KYNU: variants seen among roughly 807,000 people sequenced by gnomAD.
KYNU encodes kynureninase.
In KYNU, 54 loss-of-function variants were observed where a neutral mutation model predicts 59.2. The ratio of observed to expected loss-of-function variants is 0.91; its 90% confidence interval spans 0.73 to 1.14. KYNU has a LOEUF of 1.14. Among genes scored for constraint, KYNU ranks in the 50% most tolerant of loss-of-function variants. KYNU has a pLI of 0.00. For missense variants in KYNU, 567 were observed against 554.4 expected (o/e 1.02, Z -0.23); for synonymous variants, 177 against 192.0 (o/e 0.92, Z 0.65).
At chr2:142,956,741 A>G (rs1324660192) in intron 6 of KYNU, among the ~76,000 whole-genome samples, 1 of 152,162 alleles carries the variant, frequency 6.6e-6, no homozygotes, top group Non-Finnish European at 1.5e-5. Flanking sequence ...GAGATTAAAA[A>G]TATTTCTTGT....
chr2:142,980,314 G>C (rs1242523927), intron 8 of KYNU, among the ~76,000 whole-genome samples: 2 of 127,864 alleles, frequency 1.6e-5, no homozygotes, highest in Non-Finnish European at 3.3e-5. Context: ...TCTTGGTTTT[G>C]GTGGGATTTG....
At chr2:143,028,818 A>ATTGTT (rs1686654558) in intron 10 of KYNU, among the ~76,000 whole-genome samples, 1 of 151,742 alleles carries the variant, frequency 6.6e-6, no homozygotes, top group Non-Finnish European at 1.5e-5. Context: ...ATTGCACTCC[A>ATTGTT]GCCTGGGCAA....
intron 10 of KYNU, among the ~76,000 whole-genome samples, chr2:143,015,325 GA>G (rs1288861227): frequency 6.6e-6 from 1 of 152,106 alleles, no homozygotes; most frequent in African/African-American, 2.4e-5. Context: ...AATTTGAATG[GA>G]AAAAGAGGGT....
At chr2:143,003,200 A>G (rs767742333) in intron 10 of KYNU, among the ~76,000 whole-genome samples, 3 of 152,318 alleles carry the variant, frequency 2.0e-5, no homozygotes, top group Non-Finnish European at 4.4e-5. Flanking sequence ...ACTCATTAAT[A>G]TAGCTCAGTT....
intron 10 of KYNU, among the ~76,000 whole-genome samples, chr2:143,011,873 T>A (rs1380090331): frequency 8.3e-6 from 1 of 120,832 alleles, no homozygotes; most frequent in African/African-American, 3.3e-5. Flanking sequence ...TGAGATCACA[T>A]GGACACAGGA....
chr2:142,961,013 C>T lies in KYNU; in HGVS notation c.729+243C>T, dbSNP rs189505. On this transcript the variant is annotated intron_variant, in intron 8 of 13. Transcript: ENST00000264170. ...TTTGAGACCAGCCTGACAAAAATGG[C>T]GAAACCCCATCTCTACTGAAAATAC... 0.18 allele frequency among the ~76,000 whole-genome samples: 26,745 copies of T among 151,552 alleles called. 5,964 individuals are homozygous for T. The highest frequency in any genetic ancestry group is 0.52 in the African/African-American group (21,421 of 41,318).
intron 8 of KYNU, among the ~76,000 whole-genome samples, chr2:142,965,492 G>A (rs374412168): frequency 3.3e-5 from 5 of 152,112 alleles, no homozygotes; most frequent in Non-Finnish European, 5.9e-5. Context: ...ATGTCTGAGT[G>A]CCATCTCCCA....
At chr2:143,006,072 A>G (rs1685874596) in intron 10 of KYNU, among the ~76,000 whole-genome samples, 1 of 152,162 alleles carries the variant, frequency 6.6e-6, no homozygotes, top group African/African-American at 2.4e-5. Flanking sequence ...CCGAATAGGA[A>G]CAGCTCCGGT....
chr2:142,988,063 T>G (rs1404192015), intron 10 of KYNU, among the ~76,000 whole-genome samples: 1 of 151,814 alleles, frequency 6.6e-6, no homozygotes, highest in Non-Finnish European at 1.5e-5. Context: ...TCTTTATAAA[T>G]TACCCAGTCT....
intron 2 of KYNU, among the ~76,000 whole-genome samples, chr2:142,907,340 G>A (rs543591122): frequency 6.6e-6 from 1 of 152,338 alleles, no homozygotes; most frequent in South Asian, 2.1e-4. Context: ...GGAAACCACT[G>A]ACTAGTGTTC....
chr2:142,973,573 T>G (rs1007527831), intron 8 of KYNU, among the ~76,000 whole-genome samples: 1 of 152,162 alleles, frequency 6.6e-6, no homozygotes, highest in Non-Finnish European at 1.5e-5. Context: ...TTGGGGTGTT[T>G]GCAGCAGCTT....
chr2:142,938,858 C>T (rs898097538), intron 4 of KYNU, among the ~76,000 whole-genome samples: 5 of 151,904 alleles, frequency 3.3e-5, no homozygotes, highest in African/African-American at 1.2e-4. Flanking sequence ...CATAGTGGCT[C>T]ACACCTGTAG....
Position 143,048,087 on chromosome 2 carries a change from C to T in KYNU, c.*5915C>T, listed in dbSNP as rs988701262. 6 of 152,064 alleles carry T rather than the reference C, an allele frequency of 3.9e-5. No homozygotes were observed. Among genetic ancestry groups the T allele is most frequent in the East Asian group, 1.9e-4 (1 of 5,194 alleles). 9.4% of individuals were successfully genotyped at this position (152,064 alleles called of 1,614,324 possible). On this transcript the variant is annotated 3_prime_UTR_variant, in exon 14 of 14. Coordinates refer to ENST00000264170, the MANE Select transcript of KYNU (RefSeq NM_003937.3). ...ATCAAACTCCTGACTTCAGGTGATCCGCCCACTTTGACCTTCCAAAATGCT... is the reference window on the plus strand; with the variant it reads ...ATCAAACTCCTGACTTCAGGTGATCTGCCCACTTTGACCTTCCAAAATGCT...
intron 2 of KYNU, among the ~76,000 whole-genome samples, chr2:142,888,652 G>A (rs1388008915): frequency 1.3e-5 from 2 of 151,894 alleles, no homozygotes; most frequent in Non-Finnish European, 2.9e-5. Context: ...GTGAGGCCCA[G>A]CCTTCTATTC....
In KYNU at chr2:142,956,273, A is replaced by C; in HGVS notation, c.506A>C (p.His169Pro). Residue 169 changes from histidine to proline, a missense_variant and splice_region_variant, in exon 6 of 14, where the codon CAT (histidine) becomes CCT (proline). By Grantham distance (77) the His-to-Pro change is moderately conservative. Transcript: ENST00000264170. Reference protein sequence around the residue: ...LLEAKAFPSDHYAIESQLQLH... With the variant: ...LLEAKAFPSDPYAIESQLQLH... ...GAAGCCAAAGCCTTCCCTTCTGATC[A>C]TGTAAGGACTTCTTCAAATTGTATT... 1 of 1,578,536 alleles carries C rather than the reference A, an allele frequency of 6.3e-7. No individual in the cohort carries two copies.
chr2:142,892,539 G>C (rs1462634653), intron 2 of KYNU, among the ~76,000 whole-genome samples: 3 of 152,194 alleles, frequency 2.0e-5, no homozygotes, highest in Non-Finnish European at 2.9e-5. Flanking sequence ...TAGGGTACTA[G>C]GATGATTGGT....
At chr2:143,015,722 G>A (rs546775291) in intron 10 of KYNU, among the ~76,000 whole-genome samples, 309 of 151,964 alleles carry the variant, frequency 2.0e-3, no homozygotes, top group African/African-American at 6.6e-3. Context: ...ACATAGATTT[G>A]TGAGCGTATA....
chr2:142,883,729 T>C (rs1279880899), intron 1 of KYNU, among the ~76,000 whole-genome samples: 1 of 152,210 alleles, frequency 6.6e-6, no homozygotes, highest in Non-Finnish European at 1.5e-5. Flanking sequence ...TTAAGGTAGC[T>C]CTTCCACACT....
chr2:143,043,647 A>G lies in KYNU; in HGVS notation c.*1475A>G, dbSNP rs534620176. The G allele has an allele frequency of 6.6e-6, 1 of 150,724 alleles. No homozygotes were observed. The highest frequency in any genetic ancestry group is 2.4e-5 in the African/African-American group (1 of 41,228). The allele number at this position is 150,724 out of a possible 1,614,324, so 9.3% of individuals were successfully genotyped here. On this transcript the variant is annotated 3_prime_UTR_variant, in exon 14 of 14. Transcript: ENST00000264170. Reference sequence around the variant, plus strand: ...ACATACTGCTTTAGCAAATCTTCCTACTGTAACTAATCCTCATAGATGGAA... The same window carrying G: ...ACATACTGCTTTAGCAAATCTTCCTGCTGTAACTAATCCTCATAGATGGAA...
Sources: gnomAD v4.1 joint callset for allele counts (sites outside exome capture counted in the v4.1 genomes callset) on GRCh38, gnomAD v4.1.1 for gene constraint, MANE v1.5 for transcripts, NCBI Gene and HGNC (gene_info 2026-07-23, HGNC 2026-07-21) for gene names.